Variants in SEMA6D observed in about 807,000 individuals in gnomAD.
The protein encoded by SEMA6D is semaphorin 6D, also known as semaphorin-6D.
Under a neutral mutation model 106.6 loss-of-function variants are expected in SEMA6D, and 35 were observed. The ratio of observed to expected loss-of-function variants is 0.33; its 90% confidence interval spans 0.25 to 0.44. The LOEUF (loss-of-function observed/expected upper bound fraction) is 0.44, where lower values mean the gene tolerates loss of function less well. Among genes scored for constraint, SEMA6D ranks in the 20% least tolerant of loss-of-function variants. The pLI, the probability that SEMA6D is intolerant of heterozygous loss-of-function variation, is 1.00. For missense variants in SEMA6D, 1,185 were observed against 1,345.9 expected (o/e 0.88, Z 1.87); for synonymous variants, 499 against 487.7 (o/e 1.02, Z -0.31).
intron 1 of SEMA6D, among the ~76,000 whole-genome samples, chr15:47,734,347 A>G (rs370595916): frequency 6.6e-6 from 1 of 152,200 alleles, no homozygotes; most frequent in Non-Finnish European, 1.5e-5. Context: ...GAACAACTGC[A>G]TGTAGCATCA....
At chr15:47,233,541 T>A (rs1359591722) in intron 1 of SEMA6D, among the ~76,000 whole-genome samples, 1 of 152,088 alleles carries the variant, frequency 6.6e-6, no homozygotes, top group East Asian at 1.9e-4. Context: ...CTTAATGATA[T>A]TGAGTCTTCC....
chr15:47,402,936 G>A (rs749864011), intron 1 of SEMA6D, among the ~76,000 whole-genome samples: 1 of 152,108 alleles, frequency 6.6e-6, no homozygotes, highest in Non-Finnish European at 1.5e-5. Flanking sequence ...ATTCCAGAGG[G>A]ATCTGAGCCT....
rs1362899619 is a variant in SEMA6D at position 47,288,428 on chromosome 15, T to C, written c.-239+104010T>C. Reference sequence around the variant, plus strand: ...CGTTTTACTTAATCCTCACAATATCTCTTTAAGGTAGATATTGGTAATTTG... The same window carrying C: ...CGTTTTACTTAATCCTCACAATATCCCTTTAAGGTAGATATTGGTAATTTG... On this transcript the variant is annotated intron_variant, in intron 1 of 19. Coordinates refer to the SEMA6D transcript ENST00000558014. Among the ~76,000 whole-genome samples, 3 of 152,116 alleles carry C rather than the reference T, an allele frequency of 2.0e-5. No homozygotes were observed. The East Asian group carries it at 5.8e-4, about 29-fold the overall frequency.
At chr15:47,264,377 G>C (rs1047745184) in intron 1 of SEMA6D, among the ~76,000 whole-genome samples, 17 of 151,816 alleles carry the variant, frequency 1.1e-4, no homozygotes, top group African/African-American at 4.1e-4. Flanking sequence ...GGTTTTTGGG[G>C]GACTTGTATT....
In SEMA6D at chr15:47,399,213, G is replaced by A. The variant is rs146240297; in HGVS notation, c.-238-13180G>A. 2.1e-3 allele frequency among the ~76,000 whole-genome samples: 315 copies of A among 152,182 alleles called. 1 individual carries two copies. The highest frequency in any genetic ancestry group is 7.3e-3 in the African/African-American group (303 of 41,520). Reference sequence around the variant, plus strand: ...AAAACAACAACAGAAAATAAAAGAGGTTAAGTGATTTGCTCAAGGTCACAT... The same window carrying A: ...AAAACAACAACAGAAAATAAAAGAGATTAAGTGATTTGCTCAAGGTCACAT... On this transcript the variant is annotated intron_variant, in intron 1 of 19. Coordinates refer to the SEMA6D transcript ENST00000558014.
chr15:47,505,062 C>T (rs992906439), intron 3 of SEMA6D, among the ~76,000 whole-genome samples: 10 of 151,910 alleles, frequency 6.6e-5, no homozygotes, highest in South Asian at 4.2e-4. Context: ...TGGCTGTTTG[C>T]GGAAGTGGAG....
At chr15:47,388,533 C>T (rs967996228) in intron 1 of SEMA6D, among the ~76,000 whole-genome samples, 1 of 152,060 alleles carries the variant, frequency 6.6e-6, no homozygotes, top group Non-Finnish European at 1.5e-5. Flanking sequence ...CAGGCACTAC[C>T]CACCTGTTAG....
chr15:47,670,838 A>G (rs2078122690), intron 4 of SEMA6D, among the ~76,000 whole-genome samples: 1 of 152,170 alleles, frequency 6.6e-6, no homozygotes, highest in Non-Finnish European at 1.5e-5. Context: ...GCATTAGGCA[A>G]TCTTTTTGTT....
chr15:47,318,024 C>CTTTTTTT lies in SEMA6D; in HGVS notation c.-238-94358_-238-94352dup, dbSNP rs71425594. On this transcript the variant is annotated intron_variant, in intron 1 of 19. Coordinates refer to the SEMA6D transcript ENST00000558014. ...CTCTTATTACATTTGTCCCACAGTT[C>CTTTTTTT]TTTTTTTTTTTTTTTTTAGAAATTA... Among the ~76,000 whole-genome samples, 30 of 116,762 alleles carry CTTTTTTT rather than the reference C, an allele frequency of 2.6e-4. 1 individual carries two copies. The highest frequency in any genetic ancestry group is 4.1e-4 in the Non-Finnish European group (23 of 56,772). 76.6% of individuals were successfully genotyped at this position (116,762 alleles called of 152,430 possible).
chr15:47,716,665 CT>C (rs1004664809), upstream of SEMA6D, among the ~76,000 whole-genome samples: 7 of 151,500 alleles, frequency 4.6e-5, no homozygotes, highest in South Asian at 2.1e-4. Context: ...GAATATGTGA[CT>C]TTTTTTTTCC....
At chr15:47,530,056 C>T (rs1047800300) in intron 3 of SEMA6D, among the ~76,000 whole-genome samples, 2 of 152,202 alleles carry the variant, frequency 1.3e-5, no homozygotes, top group African/African-American at 2.4e-5. Flanking sequence ...TAGCTCCACT[C>T]AGCAGTCAGG....
At chr15:47,678,717 A>C (rs1265221018) in intron 4 of SEMA6D, among the ~76,000 whole-genome samples, 1 of 151,232 alleles carries the variant, frequency 6.6e-6, no homozygotes, top group Non-Finnish European at 1.5e-5. Context: ...GCTAAGATTT[A>C]TTTAGTCCTT....
chr15:47,332,229 A>G (rs938910255), intron 1 of SEMA6D, among the ~76,000 whole-genome samples: 2 of 152,212 alleles, frequency 1.3e-5, no homozygotes. Context: ...GCTTGTTTAC[A>G]TAATAACTGA....
At chr15:47,713,211 C>T (rs1361541270), upstream of SEMA6D, among the ~76,000 whole-genome samples, 3 of 152,096 alleles carry the variant, frequency 2.0e-5, no homozygotes, top group African/African-American at 4.8e-5. Context: ...TATTCCCTTT[C>T]CTCAGAGTGT....
intron 1 of SEMA6D, among the ~76,000 whole-genome samples, chr15:47,190,289 C>T (rs540140367): frequency 6.6e-6 from 1 of 152,164 alleles, no homozygotes; most frequent in South Asian, 2.1e-4. Flanking sequence ...TTGGTAACAT[C>T]CATTTCCATC....
At chr15:47,749,153 C>G (rs998556535) in intron 1 of SEMA6D, among the ~76,000 whole-genome samples, 4 of 145,968 alleles carry the variant, frequency 2.7e-5, no homozygotes, top group Non-Finnish European at 5.9e-5. Context: ...GTGATCTCAG[C>G]TCACTGCAAC....
At chr15:47,470,855 C>G (rs2042814237) in intron 3 of SEMA6D, among the ~76,000 whole-genome samples, 1 of 152,148 alleles carries the variant, frequency 6.6e-6, no homozygotes, top group African/African-American at 2.4e-5. Context: ...TGCCCAAGCA[C>G]ACCGTTTGAA....
chr15:47,217,780 T>G (rs1234836100), intron 1 of SEMA6D, among the ~76,000 whole-genome samples: 1 of 151,664 alleles, frequency 6.6e-6, no homozygotes, highest in Non-Finnish European at 1.5e-5. Context: ...TATATTTAAA[T>G]ATGTTGTGCA....
At chr15:47,610,825 AG>A (rs376730552) in intron 4 of SEMA6D, among the ~76,000 whole-genome samples, 108 of 152,354 alleles carry the variant, frequency 7.1e-4, no homozygotes, top group African/African-American at 2.4e-3. Context: ...TTGTTTCCAA[AG>A]TAGAGAGCAG....
Sources: gnomAD v4.1 joint callset for allele counts (sites outside exome capture counted in the v4.1 genomes callset) on GRCh38, gnomAD v4.1.1 for gene constraint, MANE v1.5 for transcripts, NCBI Gene and HGNC (gene_info 2026-07-23, HGNC 2026-07-21) for gene names.